The following ZBTB20 variants were observed in gnomAD, a reference collection of about 807,000 sequenced individuals.
ZBTB20 encodes zinc finger and BTB domain-containing protein 20.
In ZBTB20, 9 loss-of-function variants were observed where a neutral mutation model predicts 56.9. The ratio of observed to expected loss-of-function variants is 0.16; its 90% CI spans 0.10 to 0.28. The LOEUF (loss-of-function observed/expected upper bound fraction) is 0.28, where lower values mean the gene tolerates loss of function less well. Among genes scored for constraint, ZBTB20 ranks in the 10% least tolerant of loss-of-function variants. The pLI is 1.00. For synonymous variants in ZBTB20, 417 were observed against 420.7 expected (o/e 0.99, Z 0.11); for missense variants, 655 against 1,003.0 (o/e 0.65, Z 4.69).
chr3:115,014,955 A>G (rs1436711337), intron 2 of ZBTB20, among the ~76,000 whole-genome samples: 1 of 151,842 alleles, frequency 6.6e-6, no homozygotes, highest in Non-Finnish European at 1.5e-5. Flanking sequence ...AAAGGCTAAG[A>G]AAAGCTATTT....
rs570059766 is a variant in ZBTB20 at position 114,637,651 on chromosome 3, A to G, written c.-295+55877T>C. On this transcript the variant is annotated intron_variant, in intron 6 of 11. Coordinates refer to ENST00000675478, the MANE Select transcript of ZBTB20 (RefSeq NM_001348800.3). ...AGACTTCTGGATTAGAATATTATTC[A>G]TGTACTTACTATGATTCAATAAACA... Among the ~76,000 whole-genome samples the G allele has an allele frequency of 2.0e-5, 3 of 152,214 alleles. No individual in the cohort carries two copies. The South Asian group carries it at 6.2e-4, about 31-fold the overall frequency.
chr3:114,323,454 A>T lies in ZBTB20; in HGVS notation c.*15551T>A, dbSNP rs2078964247. On this transcript the variant is annotated 3_prime_UTR_variant, in exon 12 of 12. Coordinates refer to ENST00000675478, the MANE Select transcript of ZBTB20 (RefSeq NM_001348800.3). The stretch of plus-strand genomic sequence containing the variant: ...GGTTAGCCTGATCTAGGTTTCACCC[A>T]GGGATGGAGAAGCATAATCAGGCTG... 6.6e-6 allele frequency: 1 copy of T among 152,242 alleles called. No homozygotes were observed. Among genetic ancestry groups the T allele is most frequent in the Admixed American group, 6.5e-5 (1 of 15,286 alleles). 9.4% of individuals were successfully genotyped at this position (152,242 alleles called of 1,614,324 possible).
intron 4 of ZBTB20, among the ~76,000 whole-genome samples, chr3:114,894,719 C>A (rs1012656128): frequency 8.5e-5 from 13 of 152,274 alleles, no homozygotes; most frequent in South Asian, 2.1e-4. Flanking sequence ...AAGGCTGGAA[C>A]AGATCCTTCC....
At chr3:114,690,587 T>C (rs2062640408) in intron 6 of ZBTB20, among the ~76,000 whole-genome samples, 1 of 152,142 alleles carries the variant, frequency 6.6e-6, no homozygotes, top group Admixed American at 6.6e-5. Flanking sequence ...GGGTTCTAAA[T>C]ATTTTTAGAA....
At chr3:114,968,067 A>G (rs2077722154) in intron 3 of ZBTB20, among the ~76,000 whole-genome samples, 1 of 152,172 alleles carries the variant, frequency 6.6e-6, no homozygotes, top group African/African-American at 2.4e-5. Context: ...ATGTATACCA[A>G]TGTACTATGC....
intron 6 of ZBTB20, among the ~76,000 whole-genome samples, chr3:114,604,205 T>C (rs1044686842): frequency 6.6e-6 from 1 of 151,982 alleles, no homozygotes; most frequent in Non-Finnish European, 1.5e-5. Context: ...TAAAAGAGAT[T>C]AAGGCAGTTC....
chr3:114,852,162 T>C (rs1430171366), intron 4 of ZBTB20, among the ~76,000 whole-genome samples: 1 of 151,936 alleles, frequency 6.6e-6, no homozygotes, highest in Non-Finnish European at 1.5e-5. Flanking sequence ...TTCTACTTCC[T>C]TCTTGTTCTC....
At chr3:114,987,844 G>T (rs2078612359) in intron 2 of ZBTB20, among the ~76,000 whole-genome samples, 1 of 152,088 alleles carries the variant, frequency 6.6e-6, no homozygotes, top group South Asian at 2.1e-4. Flanking sequence ...GCTACATGTA[G>T]AAGTCAGGTA....
chr3:114,726,287 T>TA (rs545837270), intron 5 of ZBTB20, among the ~76,000 whole-genome samples: 24 of 151,840 alleles, frequency 1.6e-4, no homozygotes, highest in Non-Finnish European at 3.2e-4. Context: ...TAACGACTGT[T>TA]AAAAAAAACA....
At chr3:114,368,080 G>A (rs1057329843) in intron 10 of ZBTB20, among the ~76,000 whole-genome samples, 2 of 152,090 alleles carry the variant, frequency 1.3e-5, no homozygotes, top group African/African-American at 2.4e-5. Context: ...TCAAATTCAC[G>A]GAGCGCTGGC....
At chr3:115,081,380 A>C (rs1013652686) in intron 1 of ZBTB20, among the ~76,000 whole-genome samples, 2 of 152,082 alleles carry the variant, frequency 1.3e-5, no homozygotes, top group African/African-American at 4.8e-5. Flanking sequence ...GTTGGAAATA[A>C]ACTACACTAT....
At chr3:115,014,277 G>A (rs1452322007) in intron 2 of ZBTB20, among the ~76,000 whole-genome samples, 1 of 151,536 alleles carries the variant, frequency 6.6e-6, no homozygotes, top group Admixed American at 6.6e-5. Context: ...AGTTGTTTGG[G>A]GTAGGGGGAG....
At chr3:114,478,824 A>C (rs1013425365) in intron 7 of ZBTB20, among the ~76,000 whole-genome samples, 1 of 152,192 alleles carries the variant, frequency 6.6e-6, no homozygotes, top group South Asian at 2.1e-4. Flanking sequence ...ATTTTAAAAA[A>C]TAGATACCAA....
At chr3:114,866,996 A>G (rs574091552) in intron 4 of ZBTB20, among the ~76,000 whole-genome samples, 1 of 152,322 alleles carries the variant, frequency 6.6e-6, no homozygotes, top group Admixed American at 6.5e-5. Context: ...GAAACATAGT[A>G]CATAGTTTCT....
At chr3:115,142,839 T>C (rs1258256219) in intron 1 of ZBTB20, among the ~76,000 whole-genome samples, 5 of 152,070 alleles carry the variant, frequency 3.3e-5, no homozygotes, top group Admixed American at 1.3e-4. Flanking sequence ...AAGAGGCTGA[T>C]TATGTTCCAA....
intron 6 of ZBTB20, among the ~76,000 whole-genome samples, chr3:114,631,764 T>C (rs1324488253): frequency 1.3e-5 from 2 of 152,232 alleles, no homozygotes; most frequent in African/African-American, 4.8e-5. Context: ...TATATTGTTC[T>C]ACTCTTAATA....
intron 3 of ZBTB20, among the ~76,000 whole-genome samples, chr3:114,957,034 G>A (rs2077271067): frequency 6.6e-6 from 1 of 152,154 alleles, no homozygotes; most frequent in Non-Finnish European, 1.5e-5. Flanking sequence ...GAGGGCAAAG[G>A]TGGCAGTTAG....
rs140444886 is a variant in ZBTB20 at position 115,130,154 on chromosome 3, A to G, written c.-703+17065T>C. The stretch of plus-strand genomic sequence containing the variant: ...TTAAAGATAAAGATCCTGAGATACA[A>G]AAGTCAAGTGATTTGCCTATAATCA... On this transcript the variant is annotated intron_variant, in intron 1 of 11. Transcript: ENST00000675478. Among the ~76,000 whole-genome samples, 5 of 152,338 alleles carry G rather than the reference A, an allele frequency of 3.3e-5. No homozygotes were observed. In the East Asian group the frequency reaches 9.6e-4, roughly 29 times the overall value.
chr3:114,435,903 T>C (rs1293022038), intron 7 of ZBTB20, among the ~76,000 whole-genome samples: 1 of 152,184 alleles, frequency 6.6e-6, no homozygotes, highest in East Asian at 1.9e-4. Context: ...ATTTGGGGCC[T>C]ATATACTGAC....
Sources: allele counts gnomAD v4.1 joint callset (sites outside exome capture counted in the v4.1 genomes callset), GRCh38; gene constraint gnomAD v4.1.1; transcripts MANE v1.5; gene names NCBI Gene and HGNC (gene_info 2026-07-23, HGNC 2026-07-21).